Variants in MEP1B observed in about 807,000 individuals in gnomAD.
MEP1B encodes the protein meprin A subunit beta.
In MEP1B, 80 loss-of-function variants were observed where a neutral mutation model predicts 84.6. The ratio of observed to expected loss-of-function variants is 0.95; its 90% confidence interval spans 0.79 to 1.14. The LOEUF (loss-of-function observed/expected upper bound fraction) is 1.14, where lower values mean the gene tolerates loss of function less well. Ranked by LOEUF, MEP1B falls within the 50% of genes most tolerant of loss-of-function variation. The pLI is 0.00. For synonymous variants in MEP1B, 273 were observed against 288.1 expected, an observed-to-expected ratio of 0.95 and a Z score of 0.53; for missense variants, 766 against 855.1, an observed-to-expected ratio of 0.90 and a Z score of 1.30.
chr18:32,217,374 G>A (rs770845149), intron 13 of MEP1B, among the ~76,000 whole-genome samples: 13 of 151,952 alleles, frequency 8.6e-5, no homozygotes, highest in Admixed American at 2.0e-4. Context: ...CCTCATAACA[G>A]TCCAGTCATT....
Position 32,215,235 on chromosome 18 carries a change from A to C in MEP1B, c.1733A>C (p.Asp578Ala), listed in dbSNP as rs745399824. ...LKSRDFIKGDDVYILLTVEDI... is the reference protein window; with the variant it reads ...LKSRDFIKGDAVYILLTVEDI... ...AGCAGAGATTTTATAAAAGGAGATG[A>C]TGTTTATATCCTACTGACAGTGGAA... Residue 578 changes from aspartate to alanine, a missense_variant, in exon 12 of 15, where the codon GAT becomes GCT. Transcript: ENST00000269202. 6.2e-6 allele frequency: 10 copies of C among 1,608,440 alleles called. No homozygotes were observed. The South Asian group carries it at 8.9e-5, about 14-fold the overall frequency.
chr18:32,207,511 G>C, intron 8 of MEP1B, 41 bp downstream of exon 8: 1 of 1,378,678 alleles, frequency 7.3e-7, no homozygotes, highest in Non-Finnish European at 1.0e-6. Context: ...ATTTTCCGCT[G>C]TTATGTAGGA....
chr18:32,216,974 C>G lies in MEP1B; in HGVS notation c.1760-17C>G. 1 of 1,612,720 alleles carries G rather than the reference C, an allele frequency of 6.2e-7. No homozygotes were observed. Among genetic ancestry groups the G allele is most frequent in the Non-Finnish European group, 8.5e-7 (1 of 1,179,220 alleles). ...ACAAAAGCTGATTTCCATCCACACT[C>G]TTCCCCATCTTCCTAGACATATCTC... On this transcript the variant is annotated splice_polypyrimidine_tract_variant and intron_variant, in intron 12 of 14. Coordinates refer to ENST00000269202, the MANE Select transcript of MEP1B (RefSeq NM_005925.3).
intron 12 of MEP1B, 59 bp from the exon 13 acceptor site, chr18:32,216,932 G>C: frequency 1.3e-6 from 2 of 1,495,364 alleles, no homozygotes; most frequent in Non-Finnish European, 1.8e-6. Flanking sequence ...GAAAATTAAA[G>C]ATCAAATGAT....
At position 32,204,158 on chromosome 18, in the gene MEP1B, C is replaced by G. The variant is rs1390254075; in HGVS notation, c.369-24C>G. The G allele has an allele frequency of 4.4e-6, 7 of 1,591,236 alleles. No individual in the cohort carries two copies. In the African/African-American group the frequency reaches 5.4e-5, roughly 12 times the overall value. ...CTCAGATTGTAACATTCTCTTCCCCCTTTCTTGTAAACTCTCCTGTAAGCT... is the reference window on the plus strand; with the variant it reads ...CTCAGATTGTAACATTCTCTTCCCCGTTTCTTGTAAACTCTCCTGTAAGCT... On this transcript the variant is annotated intron_variant, in intron 6 of 14. Transcript: ENST00000269202.
At chr18:32,203,611 C>T (rs145906540) in intron 6 of MEP1B, among the ~76,000 whole-genome samples, 421 of 152,260 alleles carry the variant, frequency 2.8e-3, no homozygotes, top group African/African-American at 9.8e-3. Flanking sequence ...TAATATTATA[C>T]AATACCTGGT....
At chr18:32,206,379 G>A (rs1360040426) in intron 7 of MEP1B, among the ~76,000 whole-genome samples, 2 of 150,436 alleles carry the variant, frequency 1.3e-5, no homozygotes, top group Non-Finnish European at 2.9e-5. Flanking sequence ...TACTGTGGAC[G>A]TCCTCAGCCT....
Position 32,204,238 on chromosome 18 carries a change from C to T in MEP1B, c.425C>T (p.Ala142Val), listed in dbSNP as rs763673773. ...GGGAAGCAAGAACTTTCCATCGGGG[C>T]AAACTGTGACCGAATAGCAACAGTT... ...RVGKQELSIG[A>V]NCDRIATVQH... The change falls in exon 7 of 15, where the codon GCA (alanine) becomes GTA (valine). Residue 142 changes from alanine (A) to valine (V), a missense_variant. Physicochemically the swap from Ala to Val is moderately conservative, Grantham distance 64. Transcript: ENST00000269202. The T allele has an allele frequency of 4.4e-6, 7 of 1,605,824 alleles. No homozygotes were observed. In the Admixed American group the frequency reaches 1.2e-4, roughly 27 times the overall value.
chr18:32,207,500 T>C (rs781169511), intron 8 of MEP1B, 30 bp downstream of exon 8: 12 of 1,469,056 alleles, frequency 8.2e-6, no homozygotes, highest in East Asian at 6.9e-5. Flanking sequence ...AAATGACTTA[T>C]ATTTTCCGCT....
rs187726548 is a variant in MEP1B, at chr18:32,198,238, T to C, written c.250+2753T>C. On this transcript the variant is annotated intron_variant, in intron 5 of 14. Coordinates refer to ENST00000269202, the MANE Select transcript of MEP1B (RefSeq NM_005925.3). ...ACACCGTACAACTGACATGACCTCC[T>C]GGAGCTGGTGCTGCCATGCCACCTC... 1.6e-4 allele frequency among the ~76,000 whole-genome samples: 25 copies of C among 152,314 alleles called. No individual in the cohort carries two copies. The East Asian group carries it at 4.4e-3, about 27-fold the overall frequency.
At chr18:32,191,695 T>C (rs973806740) in intron 1 of MEP1B, 127 bp from the exon 2 acceptor site, 6 of 567,528 alleles carry the variant, frequency 1.1e-5, no homozygotes, top group Non-Finnish European at 1.8e-5. Context: ...TAAATACATG[T>C]CAGGAAGTAA....
At chr18:32,219,708 C>G (rs1360788029) in intron 14 of MEP1B, among the ~76,000 whole-genome samples, 1 of 151,790 alleles carries the variant, frequency 6.6e-6, no homozygotes, top group African/African-American at 2.4e-5. Context: ...ATGACAAAAC[C>G]AAAGAGAAGA....
intron 9 of MEP1B, 130 bp from the exon 10 acceptor site, chr18:32,210,371 C>T: frequency 1.3e-6 from 1 of 743,758 alleles, no homozygotes; most frequent in East Asian, 2.7e-5. Context: ...AGGCTTCTGT[C>T]ATTTCTCCCT....
In MEP1B at chr18:32,203,540, C is replaced by T. The variant is rs1046460537; in HGVS notation, c.368+530C>T. ...TAGACCACCTTGAGGACGATTTGCTCCTATGTAATATTTGGTGTTAGGGCA... is the reference window on the plus strand; with the variant it reads ...TAGACCACCTTGAGGACGATTTGCTTCTATGTAATATTTGGTGTTAGGGCA... On this transcript the variant is annotated intron_variant, in intron 6 of 14. Transcript: ENST00000269202. 3.9e-5 allele frequency among the ~76,000 whole-genome samples: 6 copies of T among 152,126 alleles called. No individual in the cohort carries two copies. In the East Asian group the frequency reaches 1.2e-3, roughly 29 times the overall value.
chr18:32,200,279 T>C (rs1040400548), intron 5 of MEP1B, among the ~76,000 whole-genome samples: 1 of 152,170 alleles, frequency 6.6e-6, no homozygotes, highest in African/African-American at 2.4e-5. Context: ...CATTTTTACA[T>C]AGTTATAACT....
At chr18:32,215,937 G>A (rs935803100) in intron 12 of MEP1B, among the ~76,000 whole-genome samples, 6 of 133,984 alleles carry the variant, frequency 4.5e-5, no homozygotes, top group Non-Finnish European at 8.2e-5. Flanking sequence ...CATCTTACCT[G>A]TTTCAAATGT....
At chr18:32,217,623 C>T in intron 13 of MEP1B, 138 bp from the exon 14 acceptor site, 4 of 717,998 alleles carry the variant, frequency 5.6e-6, no homozygotes, top group South Asian at 1.7e-5. Flanking sequence ...CTCTCCAGTC[C>T]AGAGTGGGTA....
chr18:32,207,791 A>G (rs945688811), intron 8 of MEP1B, among the ~76,000 whole-genome samples: 1 of 152,234 alleles, frequency 6.6e-6, no homozygotes, highest in East Asian at 1.9e-4. Context: ...TGATATGTCT[A>G]GTTGTAATAT....
chr18:32,200,635 T>C (rs746631759), intron 5 of MEP1B, among the ~76,000 whole-genome samples: 64 of 152,222 alleles, frequency 4.2e-4, no homozygotes, highest in Non-Finnish European at 7.2e-4. Flanking sequence ...ACTCAGATTC[T>C]AGTAGGTCAA....
Sources: gnomAD v4.1 joint callset for allele counts (sites outside exome capture counted in the v4.1 genomes callset) on GRCh38, gnomAD v4.1.1 for gene constraint, MANE v1.5 for transcripts, NCBI Gene and HGNC (gene_info 2026-07-23, HGNC 2026-07-21) for gene names.